The following SNORC variants were observed in gnomAD, a reference collection of about 807,000 sequenced individuals.
SNORC encodes protein SNORC.
A neutral mutation model predicts 9.7 loss-of-function variants in SNORC; 11 were observed. The ratio of observed to expected loss-of-function variants is 1.14; its 90% CI spans 0.72 to 1.88. The LOEUF (loss-of-function observed/expected upper bound fraction) is 1.88, where lower values mean the gene tolerates loss of function less well. Ranked by LOEUF, SNORC falls within the 40% of genes most tolerant of loss-of-function variation. SNORC has a pLI of 0.00. For synonymous variants in SNORC, 108 were observed against 88.7 expected, an observed-to-expected ratio of 1.22 and a Z score of -1.22; for missense variants, 197 against 173.1, an observed-to-expected ratio of 1.14 and a Z score of -0.77.
In SNORC at chr2:232,870,384, TCC is replaced by T; in HGVS notation, c.44_45del (p.Ser15TrpfsTer?). On this transcript the variant is annotated frameshift_variant, in exon 1 of 3. Coordinates refer to ENST00000331342, the Ensembl canonical transcript of SNORC. LOFTEE classifies it high-confidence loss of function. Reference sequence around the variant, plus strand: ...CCTGCGCATGGCGCTGCTGCTGGTCTCCGGGGTTCTGGCCCCTGCGGTGCTCA... The same window carrying T: ...CCTGCGCATGGCGCTGCTGCTGGTCTGGGGTTCTGGCCCCTGCGGTGCTCA... 6.4e-7 allele frequency: 1 copy of T among 1,572,006 alleles called. No homozygotes were observed. Among genetic ancestry groups the T allele is most frequent in the Non-Finnish European group, 8.6e-7 (1 of 1,158,488 alleles).
At chr2:232,872,376 G>C (rs1055240671) in intron 1 of SNORC, among the ~76,000 whole-genome samples, 3 of 152,216 alleles carry the variant, frequency 2.0e-5, no homozygotes, top group African/African-American at 7.2e-5. Flanking sequence ...CACAAAGGCT[G>C]TCTGTGAGCA....
intron 1 of SNORC, 40 bp downstream of exon 1, chr2:232,870,454 C>A (rs1479509278): frequency 1.3e-6 from 2 of 1,537,468 alleles, no homozygotes; most frequent in Admixed American, 3.9e-5. Flanking sequence ...CCACTAGCCT[C>A]CCAGGGCCGA....
Position 232,876,372 on chromosome 2 carries a change from C to G in SNORC, c.*16C>G. The G allele has an allele frequency of 2.0e-6, 3 of 1,515,332 alleles. No individual in the cohort carries two copies. Among genetic ancestry groups the G allele is most frequent in the Non-Finnish European group, 2.6e-6 (3 of 1,137,300 alleles). The allele number at this position is 1,515,332 out of a possible 1,614,324, so 93.9% of individuals were successfully genotyped here. On this transcript the variant is annotated 3_prime_UTR_variant, in exon 3 of 3. Transcript: ENST00000331342. The surrounding 1 kb of genome is among the most constrained non-coding windows in gnomAD (Gnocchi z 6.8). ...TGCCTCCTGAAGCGAATAAAGGGGC[C>G]GCGCCCGGCCGCGGCGCGACTCGGC...
upstream of SNORC, chr2:232,868,957 G>A (rs1175981632): frequency 3.3e-5 from 5 of 152,128 alleles, no homozygotes; most frequent in African/African-American, 1.2e-4. Context: ...TTACTAACTT[G>A]ATACTAATTT....
At chr2:232,872,055 C>T (rs533991261) in intron 1 of SNORC, among the ~76,000 whole-genome samples, 5 of 152,356 alleles carry the variant, frequency 3.3e-5, no homozygotes, top group South Asian at 2.1e-4. Context: ...GCAGGCCCCC[C>T]GCAGGGGCCA....
chr2:232,876,451 T>C, downstream of SNORC: 1 of 1,389,062 alleles, frequency 7.2e-7, no homozygotes, highest in Non-Finnish European at 9.3e-7. This position sits in a 1 kb window ranked among gnomAD's most constrained non-coding sequence, Gnocchi z 6.8. Context: ...CATGCAGGTG[T>C]GCCAGAGCGT....
chr2:232,866,812 C>A (rs2106184013), upstream of SNORC, among the ~76,000 whole-genome samples: 1 of 152,306 alleles, frequency 6.6e-6, no homozygotes, highest in East Asian at 1.9e-4. Flanking sequence ...CTCCCAGGTT[C>A]AAACAATTCT....
At chr2:232,877,534 G>A (rs1034043646), downstream of SNORC, 9 of 197,330 alleles carry the variant, frequency 4.6e-5, no homozygotes, top group Non-Finnish European at 8.2e-5. Context: ...GTTGCTGGAG[G>A]GCAAGCTGCT....
At position 232,876,367 on chromosome 2, in the gene SNORC, G is replaced by T; in HGVS notation, c.*11G>T. On this transcript the variant is annotated 3_prime_UTR_variant, in exon 3 of 3. Transcript: ENST00000331342. The surrounding 1 kb of genome is among the most constrained non-coding windows in gnomAD (Gnocchi z 6.8). Reference sequence around the variant, plus strand: ...TTTTCTGCCTCCTGAAGCGAATAAAGGGGCCGCGCCCGGCCGCGGCGCGAC... The same window carrying T: ...TTTTCTGCCTCCTGAAGCGAATAAATGGGCCGCGCCCGGCCGCGGCGCGAC... 5 of 1,524,038 alleles carry T rather than the reference G, an allele frequency of 3.3e-6. No homozygotes were observed. Among genetic ancestry groups the T allele is most frequent in the Non-Finnish European group, 3.5e-6 (4 of 1,140,270 alleles). The allele number at this position is 1,524,038 out of a possible 1,614,324, so 94.4% of individuals were successfully genotyped here. A position where few individuals can be genotyped will look rare whatever the true frequency, so the allele number is the denominator to read the frequency against.
At chr2:232,876,532 G>A (rs1691256646), downstream of SNORC, 3 of 1,204,220 alleles carry the variant, frequency 2.5e-6, no homozygotes, top group Non-Finnish European at 2.1e-6. The surrounding 1 kb of genome is among the most constrained non-coding windows in gnomAD (Gnocchi z 6.8). Context: ...GCACGCGCGC[G>A]GGTCCGGAGG....
downstream of SNORC, chr2:232,877,481 C>T (rs1418263572): frequency 7.8e-6 from 3 of 386,750 alleles, no homozygotes; most frequent in Non-Finnish European, 1.1e-5. Flanking sequence ...CAGCAGACCC[C>T]TTGGGGACAG....
chr2:232,869,396 A>C (rs1416578348), upstream of SNORC, among the ~76,000 whole-genome samples: 2 of 152,126 alleles, frequency 1.3e-5, no homozygotes, highest in African/African-American at 4.8e-5. Context: ...CAAGGTGTGA[A>C]GTAGGGGGCG....
At chr2:232,872,304 G>A (rs1297889723) in intron 1 of SNORC, among the ~76,000 whole-genome samples, 1 of 152,198 alleles carries the variant, frequency 6.6e-6, no homozygotes, top group Non-Finnish European at 1.5e-5. Flanking sequence ...ACTGAGGTGG[G>A]AGCAGGCCGG....
At chr2:232,871,425 C>T (rs1691020468) in intron 1 of SNORC, among the ~76,000 whole-genome samples, 1 of 152,202 alleles carries the variant, frequency 6.6e-6, no homozygotes, top group East Asian at 1.9e-4. Flanking sequence ...GCCTTCTCGT[C>T]ATCTGTAGGA....
At chr2:232,874,185 T>C (rs1268850219) in intron 1 of SNORC, among the ~76,000 whole-genome samples, 3 of 152,240 alleles carry the variant, frequency 2.0e-5, no homozygotes, top group African/African-American at 7.2e-5. Context: ...CAGGAGTCCA[T>C]CCACCTAGTC....
downstream of SNORC, chr2:232,877,640 C>T (rs142827986): frequency 4.8e-3 from 727 of 152,620 alleles, 5 homozygotes; most frequent in Non-Finnish European, 7.6e-3. Flanking sequence ...TGACTTTCTC[C>T]TCCTGGACAC....
In SNORC at chr2:232,876,023, A is replaced by T; in HGVS notation, c.157A>T (p.Ser53Cys). 1 of 1,547,684 alleles carries T rather than the reference A, an allele frequency of 6.5e-7. No homozygotes were observed. Among genetic ancestry groups the T allele is most frequent in the South Asian group, 1.2e-5 (1 of 84,276 alleles). ...GGGAGAAGGCCCCGTGGAGAGCACC[A>T]GCCCCGGCCGGGAGCCCGTGGACAC... Residue 53 changes from serine to cysteine, a missense_variant, in exon 2 of 3, where the codon AGC (serine) becomes TGC (cysteine). Coordinates refer to ENST00000331342, the Ensembl canonical transcript of SNORC. This position sits in a 1 kb window ranked among gnomAD's most constrained non-coding sequence, Gnocchi z 6.8.
chr2:232,870,249 C>G, upstream of SNORC: 1 of 1,206,340 alleles, frequency 8.3e-7, no homozygotes, highest in South Asian at 1.3e-5. Flanking sequence ...AAAACCCTTC[C>G]CAGCCCTTTG....
downstream of SNORC, chr2:232,878,519 A>T (rs1350930730): frequency 1.3e-5 from 2 of 152,486 alleles, no homozygotes; most frequent in Non-Finnish European, 2.9e-5. Flanking sequence ...TGGAGGCCCA[A>T]ATCCGTTCCC....
Sources: gnomAD v4.1 joint callset for allele counts (sites outside exome capture counted in the v4.1 genomes callset) on GRCh38, gnomAD v4.1.1 for gene constraint, Gnocchi (gnomAD v3.1) non-coding constraint, MANE v1.5 for transcripts, NCBI Gene and HGNC (gene_info 2026-07-23, HGNC 2026-07-21) for gene names.